NUTF2: variants seen among roughly 807,000 people sequenced by gnomAD.
NUTF2 encodes nuclear transport factor 2, also known as placental protein 15.
Under a neutral mutation model 18.5 loss-of-function variants are expected in NUTF2, and 3 were observed. The ratio of observed to expected loss-of-function variants is 0.16; its 90% CI spans 0.07 to 0.42. The LOEUF (loss-of-function observed/expected upper bound fraction) is 0.42, where lower values mean the gene tolerates loss of function less well. NUTF2 is among the 10% of genes least tolerant of loss of function. NUTF2 has a pLI of 0.99. For missense variants in NUTF2, 44 were observed against 160.7 expected (o/e 0.27, Z 3.93); for synonymous variants, 51 against 57.9 (o/e 0.88, Z 0.54).
At chr16:67,847,950 C>G (rs769276047) in intron 1 of NUTF2, 4 of 152,238 alleles carry the variant, frequency 2.6e-5, no homozygotes, top group Non-Finnish European at 5.9e-5. Context: ...TTGTGGGGCC[C>G]TCCCGAAGCC....
At chr16:67,851,602 CACCCATTA>C (rs1163058461) in intron 1 of NUTF2, among the ~76,000 whole-genome samples, 25 of 152,232 alleles carry the variant, frequency 1.6e-4, no homozygotes, top group Admixed American at 1.6e-3. Context: ...TGATGTGCTG[CACCCATTA>C]ACTCGTCATT....
chr16:67,870,753 T>A (rs761937597), intron 4 of NUTF2, 47 bp from the exon 5 acceptor site: 25 of 1,474,772 alleles, frequency 1.7e-5, no homozygotes, highest in Non-Finnish European at 2.3e-5. Context: ...TGAATTCCCT[T>A]CCTGTTTCTT....
chr16:67,868,716 C>T, intron 4 of NUTF2, 117 bp downstream of exon 4: 1 of 951,878 alleles, frequency 1.1e-6, no homozygotes. Flanking sequence ...AAGTGACTGT[C>T]TAGAGCTGCG....
At position 67,872,055 on chromosome 16, in the gene NUTF2, C is replaced by T. The variant is rs183589762; in HGVS notation, c.*1142C>T. ...AGCATACAGACTTCATGCTATCTTC[C>T]AATTCCGGGGAGTCTTAGCTATTAG... On this transcript the variant is annotated 3_prime_UTR_variant, in exon 5 of 5. Transcript: ENST00000219169. The T allele has an allele frequency of 2.6e-5, 4 of 152,440 alleles. 1 individual carries two copies. Among genetic ancestry groups the T allele is most frequent in the Admixed American group, 2.6e-4 (4 of 15,302 alleles). The allele number at this position is 152,440 out of a possible 1,614,324, so 9.4% of individuals were successfully genotyped here. A position where few individuals can be genotyped will look rare whatever the true frequency, so the allele number is the denominator to read the frequency against.
At chr16:67,856,570 G>A (rs1212555691) in intron 1 of NUTF2, among the ~76,000 whole-genome samples, 3 of 150,664 alleles carry the variant, frequency 2.0e-5, no homozygotes, top group South Asian at 2.1e-4. Flanking sequence ...GTGCAGTGGC[G>A]TGATCCTGGC....
intron 1 of NUTF2, chr16:67,847,893 C>G (rs2057818876): frequency 6.6e-6 from 1 of 152,210 alleles, no homozygotes; most frequent in African/African-American, 2.4e-5. Flanking sequence ...AAACCAGAAC[C>G]TGGGCTGGAA....
intron 1 of NUTF2, among the ~76,000 whole-genome samples, chr16:67,850,171 C>T (rs1381169175): frequency 6.6e-6 from 1 of 151,920 alleles, no homozygotes; most frequent in Non-Finnish European, 1.5e-5. Flanking sequence ...TCAGGTCCCT[C>T]CCTCTCATTC....
chr16:67,864,592 G>A (rs990242230), intron 1 of NUTF2, among the ~76,000 whole-genome samples: 2 of 151,774 alleles, frequency 1.3e-5, no homozygotes, highest in African/African-American at 2.4e-5. Context: ...TGTCAGCGTA[G>A]CCCTGGGACA....
chr16:67,866,658 G>T (rs1238290967), intron 2 of NUTF2, among the ~76,000 whole-genome samples: 1 of 152,038 alleles, frequency 6.6e-6, no homozygotes, highest in Non-Finnish European at 1.5e-5. Context: ...GTAGAGATGG[G>T]ATTTCACCAT....
rs941235266 is a variant in NUTF2, at chr16:67,872,482, C to T, written c.*1569C>T. 1 of 152,312 alleles carries T rather than the reference C, an allele frequency of 6.6e-6. No homozygotes were observed. Among genetic ancestry groups the T allele is most frequent in the Non-Finnish European group, 1.5e-5 (1 of 68,154 alleles). 9.4% of individuals were successfully genotyped at this position (152,312 alleles called of 1,614,324 possible). ...TGGGGAAGAGGTAGGTGCCTGCTGC[C>T]TCAAACCACCTTGTGTAAAATCTGC... On this transcript the variant is annotated 3_prime_UTR_variant, in exon 5 of 5. Coordinates refer to ENST00000219169, the MANE Select transcript of NUTF2 (RefSeq NM_005796.3).
chr16:67,870,913 ACCT>A lies in NUTF2; in HGVS notation c.*5_*7del, dbSNP rs1567386559. The A allele has an allele frequency of 8.7e-6, 14 of 1,610,594 alleles. No homozygotes were observed. Among genetic ancestry groups the A allele is most frequent in the Non-Finnish European group, 1.1e-5 (13 of 1,176,998 alleles). ...GGCTCGCCCTGCACAACTTTGGCTG[ACCT>A]CCTCTCAGCTAGGCACTCACGCTGT... On this transcript the variant is annotated 3_prime_UTR_variant, in exon 5 of 5. Transcript: ENST00000219169.
At chr16:67,864,007 C>CA (rs1356667737) in intron 1 of NUTF2, among the ~76,000 whole-genome samples, 1 of 152,190 alleles carries the variant, frequency 6.6e-6, no homozygotes, top group East Asian at 1.9e-4. Context: ...GAAGGGATGA[C>CA]ACGTTTCCCT....
At chr16:67,862,000 G>A (rs1446572684) in intron 1 of NUTF2, among the ~76,000 whole-genome samples, 1 of 152,100 alleles carries the variant, frequency 6.6e-6, no homozygotes, top group Non-Finnish European at 1.5e-5. Context: ...TGGTGAGCAG[G>A]CTCTCGGTAG....
chr16:67,868,455 C>T, intron 3 of NUTF2, 44 bp downstream of exon 3: 1 of 1,613,582 alleles, frequency 6.2e-7, no homozygotes, highest in Admixed American at 1.7e-5. Flanking sequence ...TCCTTTCCCA[C>T]CCCTTCTGGC....
At chr16:67,851,412 C>T (rs540570612) in intron 1 of NUTF2, among the ~76,000 whole-genome samples, 1 of 151,518 alleles carries the variant, frequency 6.6e-6, no homozygotes, top group African/African-American at 2.4e-5. Flanking sequence ...ACCAGGGAGG[C>T]GGACGTTGCA....
intron 1 of NUTF2, chr16:67,856,009 G>C (rs987415859): frequency 3.4e-6 from 4 of 1,161,834 alleles, no homozygotes; most frequent in Non-Finnish European, 5.1e-6. Context: ...CCTTGAGCAC[G>C]TTGAAGCGTA....
intron 1 of NUTF2, among the ~76,000 whole-genome samples, chr16:67,851,797 C>T (rs948847877): frequency 6.6e-6 from 1 of 152,034 alleles, no homozygotes; most frequent in Non-Finnish European, 1.5e-5. Flanking sequence ...GGGTGGATTA[C>T]TTGAGGTCAG....
At chr16:67,852,304 A>C (rs75700975) in intron 1 of NUTF2, among the ~76,000 whole-genome samples, 1 of 151,416 alleles carries the variant, frequency 6.6e-6, no homozygotes, top group Non-Finnish European at 1.5e-5. Flanking sequence ...CCCTGTCTCC[A>C]AAAAAAAGGC....
At chr16:67,859,952 A>G (rs748478500) in intron 1 of NUTF2, among the ~76,000 whole-genome samples, 9 of 149,566 alleles carry the variant, frequency 6.0e-5, no homozygotes, top group Non-Finnish European at 8.9e-5. Context: ...ACAGGTGTAC[A>G]CCACCATGGC....
Sources: allele counts gnomAD v4.1 joint callset (sites outside exome capture counted in the v4.1 genomes callset), GRCh38; gene constraint gnomAD v4.1.1; transcripts MANE v1.5; gene names NCBI Gene and HGNC (gene_info 2026-07-23, HGNC 2026-07-21).